DCTN5: variants seen among roughly 807,000 people sequenced by gnomAD.
DCTN5 encodes the protein dynactin 4.
In DCTN5, 14 loss-of-function variants were observed where a neutral mutation model predicts 23.5. The ratio of observed to expected loss-of-function variants is 0.60; its 90% CI spans 0.39 to 0.93. DCTN5 has a LOEUF of 0.93. Among genes scored for constraint, DCTN5 ranks in the 40% least tolerant of loss-of-function variants. The probability of loss-of-function intolerance (pLI) is 0.00; values close to 1 mark genes in which losing one functional copy is unlikely to be tolerated. For synonymous variants in DCTN5, 67 were observed against 79.6 expected (o/e 0.84, Z 0.84); for missense variants, 156 against 225.9 (o/e 0.69, Z 1.98).
chr16:23,645,554 C>T (rs1036863560), intron 2 of DCTN5, among the ~76,000 whole-genome samples: 4 of 152,146 alleles, frequency 2.6e-5, no homozygotes, highest in Non-Finnish European at 1.5e-5. Context: ...GGAATACACG[C>T]CCATTCCCTA....
chr16:23,641,500 T>C lies in DCTN5; in HGVS notation c.-43T>C, dbSNP rs367958812. ...CGGAATCTCTGAAAGACTGACCGAC[T>C]GACTCTGACAGGATCCGGGGCTGAG... On this transcript the variant is annotated 5_prime_UTR_variant, in exon 1 of 6. Coordinates refer to ENST00000300087, the MANE Select transcript of DCTN5 (RefSeq NM_032486.4). The C allele has an allele frequency of 7.4e-6, 12 of 1,613,148 alleles. No individual in the cohort carries two copies. In the South Asian group the frequency reaches 1.3e-4, roughly 18 times the overall value.
rs887200943 is a variant in DCTN5 at position 23,661,114 on chromosome 16, T to A, written c.237-56T>A. The A allele has an allele frequency of 2.4e-6, 3 of 1,258,438 alleles. No homozygotes were observed. The African/African-American group carries it at 4.4e-5, about 19-fold the overall frequency. The allele number at this position is 1,258,438 out of a possible 1,614,324, so 78.0% of individuals were successfully genotyped here. A position where few individuals can be genotyped will look rare whatever the true frequency, so the allele number is the denominator to read the frequency against. On this transcript the variant is annotated intron_variant, in intron 3 of 5. Transcript: ENST00000300087. ...TTATGATCTGTAGTTCTATAAACCT[T>A]GACCCAAAGTACATCATCTTGACCT...
intron 4 of DCTN5, among the ~76,000 whole-genome samples, chr16:23,664,188 A>G (rs1167416768): frequency 6.6e-6 from 1 of 152,218 alleles, no homozygotes; most frequent in Non-Finnish European, 1.5e-5. Flanking sequence ...AGATAACTTT[A>G]CAAGGAAGAA....
chr16:23,645,946 A>G (rs1292343421), intron 2 of DCTN5, among the ~76,000 whole-genome samples: 1 of 152,184 alleles, frequency 6.6e-6, no homozygotes, highest in Non-Finnish European at 1.5e-5. Flanking sequence ...TGGTATATAC[A>G]AAAGAGCGTG....
chr16:23,666,912 CAGAA>C, intron 5 of DCTN5, 131 bp from the exon 6 acceptor site: 1 of 1,408,202 alleles, frequency 7.1e-7, no homozygotes, highest in Non-Finnish European at 9.5e-7. Flanking sequence ...AGCACTGGAC[CAGAA>C]CAGCCTCAGC....
intron 4 of DCTN5, among the ~76,000 whole-genome samples, chr16:23,663,240 A>G (rs1309042203): frequency 6.6e-6 from 1 of 152,226 alleles, no homozygotes; most frequent in Non-Finnish European, 1.5e-5. Flanking sequence ...TGAGTTTTAC[A>G]TTTATTCTCT....
intron 2 of DCTN5, among the ~76,000 whole-genome samples, chr16:23,658,299 G>C (rs1044473098): frequency 1.3e-5 from 2 of 152,202 alleles, no homozygotes; most frequent in African/African-American, 2.4e-5. Flanking sequence ...CAAAGCTTGT[G>C]ATGTACTAGG....
chr16:23,650,996 A>T, intron 2 of DCTN5: 1 of 1,399,564 alleles, frequency 7.1e-7, no homozygotes, highest in Non-Finnish European at 9.3e-7. Flanking sequence ...GCAACTGGAA[A>T]TCTCACTTTT....
Position 23,671,034 on chromosome 16 carries a change from A to G in DCTN5, c.*3890A>G, listed in dbSNP as rs1967997289. 1 of 152,242 alleles carries G rather than the reference A, an allele frequency of 6.6e-6. No homozygotes were observed. Among genetic ancestry groups the G allele is most frequent in the Non-Finnish European group, 1.5e-5 (1 of 68,066 alleles). The allele number at this position is 152,242 out of a possible 1,614,324, so 9.4% of individuals were successfully genotyped here. A position where few individuals can be genotyped will look rare whatever the true frequency, so the allele number is the denominator to read the frequency against. On this transcript the variant is annotated 3_prime_UTR_variant, in exon 6 of 6. Coordinates refer to ENST00000300087, the MANE Select transcript of DCTN5 (RefSeq NM_032486.4). ...TCACAGCTTAGTGAGTGAGAAAGCCAAAGAGTCAAAATACAGAGAGGGTCT... is the reference window on the plus strand; with the variant it reads ...TCACAGCTTAGTGAGTGAGAAAGCCGAAGAGTCAAAATACAGAGAGGGTCT...
At chr16:23,648,621 A>AGGCCCTTTTTGTAGT (rs1967527891) in intron 2 of DCTN5, among the ~76,000 whole-genome samples, 1 of 151,812 alleles carries the variant, frequency 6.6e-6, no homozygotes, top group African/African-American at 2.4e-5. Flanking sequence ...AAGTGCTGGG[A>AGGCCCTTTTTGTAGT]TTACAGGTGT....
At position 23,641,524 on chromosome 16, in the gene DCTN5, A is replaced by C; in HGVS notation, c.-19A>C. On this transcript the variant is annotated 5_prime_UTR_variant, in exon 1 of 6. Coordinates refer to ENST00000300087, the MANE Select transcript of DCTN5 (RefSeq NM_032486.4). ...CTGACTCTGACAGGATCCGGGGCTG[A>C]GGGAAGGAGGCGGCGGCCATGGAGT... 3.1e-6 allele frequency: 5 copies of C among 1,614,066 alleles called. No individual in the cohort carries two copies. Among genetic ancestry groups the C allele is most frequent in the Non-Finnish European group, 4.2e-6 (5 of 1,179,964 alleles).
chr16:23,659,877 T>C (rs752283349), intron 3 of DCTN5, among the ~76,000 whole-genome samples: 34 of 152,226 alleles, frequency 2.2e-4, no homozygotes, highest in Non-Finnish European at 4.6e-4. Flanking sequence ...ACTAGAAATG[T>C]TGATTAACAG....
In DCTN5 at chr16:23,675,910, C is replaced by T. The variant is rs1234150502; in HGVS notation, c.*8766C>T. On this transcript the variant is annotated 3_prime_UTR_variant, in exon 6 of 6. Transcript: ENST00000300087. ...CTGCCTTCAGGCAGTCCCTTGGAAG[C>T]CAAGGACTCTGGGAACTTTTCAGAT... is the stretch of plus-strand genomic sequence containing the variant. 1 of 152,200 alleles carries T rather than the reference C, an allele frequency of 6.6e-6. No homozygotes were observed. The highest frequency in any genetic ancestry group is 1.5e-5 in the Non-Finnish European group (1 of 68,062). The allele number at this position is 152,200 out of a possible 1,614,324, so 9.4% of individuals were successfully genotyped here.
chr16:23,660,559 T>A (rs1967790873), intron 3 of DCTN5, among the ~76,000 whole-genome samples: 1 of 152,246 alleles, frequency 6.6e-6, no homozygotes, highest in Non-Finnish European at 1.5e-5. Context: ...CTCCTTGTTA[T>A]ATATGCTCAT....
chr16:23,669,260 T>C lies in DCTN5; in HGVS notation c.*2116T>C, dbSNP rs1967962658. The C allele has an allele frequency of 6.6e-6, 1 of 152,250 alleles. No homozygotes were observed. Among genetic ancestry groups the C allele is most frequent in the Non-Finnish European group, 1.5e-5 (1 of 68,060 alleles). The allele number at this position is 152,250 out of a possible 1,614,324, so 9.4% of individuals were successfully genotyped here. ...TTCACTTGGGGCAGAGGGAATTTAA[T>C]GGCTCACGTAGCTGAAAAGGATGGG... On this transcript the variant is annotated 3_prime_UTR_variant, in exon 6 of 6. Transcript: ENST00000300087.
At chr16:23,655,691 C>T (rs760671634) in intron 2 of DCTN5, among the ~76,000 whole-genome samples, 1 of 151,998 alleles carries the variant, frequency 6.6e-6, no homozygotes, top group Non-Finnish European at 1.5e-5. Flanking sequence ...ACTACAGGTG[C>T]ACACCACCAC....
rs1253129926 is a variant in DCTN5, at chr16:23,675,237, A to G, written c.*8093A>G. On this transcript the variant is annotated 3_prime_UTR_variant, in exon 6 of 6. Transcript: ENST00000300087. ...AAATGTTGGCCAGGCGCAGTGATGGATGCATATGATCCCAGCACTTTGGGA... is the reference window on the plus strand; with the variant it reads ...AAATGTTGGCCAGGCGCAGTGATGGGTGCATATGATCCCAGCACTTTGGGA... The G allele has an allele frequency of 6.6e-6, 1 of 152,146 alleles. No homozygotes were observed. The highest frequency in any genetic ancestry group is 1.5e-5 in the Non-Finnish European group (1 of 68,034). The allele number at this position is 152,146 out of a possible 1,614,324, so 9.4% of individuals were successfully genotyped here.
At chr16:23,660,383 C>G (rs746140733) in intron 3 of DCTN5, among the ~76,000 whole-genome samples, 7 of 152,128 alleles carry the variant, frequency 4.6e-5, no homozygotes, top group Non-Finnish European at 1.0e-4. Context: ...ATTTTACATC[C>G]CAAGGTATAG....
At chr16:23,645,852 A>G (rs1967446755) in intron 2 of DCTN5, among the ~76,000 whole-genome samples, 1 of 152,186 alleles carries the variant, frequency 6.6e-6, no homozygotes, top group South Asian at 2.1e-4. Context: ...ACTGATGTGC[A>G]AGTATCTGTT....
Sources: gnomAD v4.1 joint callset for allele counts (sites outside exome capture counted in the v4.1 genomes callset) on GRCh38, gnomAD v4.1.1 for gene constraint, MANE v1.5 for transcripts, NCBI Gene and HGNC (gene_info 2026-07-23, HGNC 2026-07-21) for gene names.